LYPLAL1: variants seen among roughly 807,000 people sequenced by gnomAD.
LYPLAL1 encodes lysophospholipase like 1.
A neutral mutation model predicts 19.7 loss-of-function variants in LYPLAL1; 23 were observed. The observed-to-expected ratio is 1.17, with a 90% CI of 0.84 to 1.65. The LOEUF is 1.65. Among genes scored for constraint, LYPLAL1 ranks in the 40% most tolerant of loss-of-function variants. The pLI, the probability that LYPLAL1 is intolerant of heterozygous loss-of-function variation, is 0.00. For missense variants in LYPLAL1, 355 were observed against 279.4 expected (o/e 1.27, Z -1.93); for synonymous variants, 119 against 96.3 (o/e 1.24, Z -1.38).
At chr1:219,281,885 A>C in the LYPLAL1 span, among the ~76,000 whole-genome samples, 1 of 152,218 alleles carries the variant, frequency 6.6e-6, no homozygotes, top group East Asian at 1.9e-4. Flanking sequence ...TCATCCCCAC[A>C]GACCCTGCAG....
At chr1:219,358,016 G>A in the LYPLAL1 span, among the ~76,000 whole-genome samples, 2 of 152,168 alleles carry the variant, frequency 1.3e-5, no homozygotes, top group Non-Finnish European at 2.9e-5. Context: ...GTCAGTGTTT[G>A]CCGTCCACAC....
chr1:219,356,396 A>C, the LYPLAL1 span, among the ~76,000 whole-genome samples: 1 of 152,146 alleles, frequency 6.6e-6, no homozygotes, highest in Non-Finnish European at 1.5e-5. Flanking sequence ...GCTACTTGGG[A>C]GGCTGAGGCA....
chr1:219,421,422 A>G, the LYPLAL1 span, among the ~76,000 whole-genome samples: 6 of 152,324 alleles, frequency 3.9e-5, no homozygotes, highest in African/African-American at 1.2e-4. Context: ...TTCATAGCCA[A>G]TTCTACCATT....
chr1:219,313,384 G>A, the LYPLAL1 span, among the ~76,000 whole-genome samples: 3 of 152,092 alleles, frequency 2.0e-5, no homozygotes, highest in East Asian at 5.8e-4. Flanking sequence ...CCTCATGTTG[G>A]TGACTTTGCA....
intron 2 of LYPLAL1, among the ~76,000 whole-genome samples, chr1:219,189,499 A>G (rs552902769): frequency 1.6e-4 from 25 of 151,682 alleles, no homozygotes; most frequent in Middle Eastern, 3.4e-3. Context: ...TAGTTTTGAG[A>G]AGGGATTCTG....
chr1:219,217,379 G>GGTGTGTGTGTGTGTGTGTGTGTGT (rs371579948), downstream of LYPLAL1, among the ~76,000 whole-genome samples: 260 of 134,106 alleles, frequency 1.9e-3, 1 homozygote, highest in East Asian at 4.5e-3. Flanking sequence ...TGCCAGGTTT[G>GGTGTGTGTGTGTGTGTGTGTGTGT]GTGTGTGTGT....
the LYPLAL1 span, among the ~76,000 whole-genome samples, chr1:219,252,980 A>C: frequency 3.3e-5 from 5 of 151,936 alleles, no homozygotes; most frequent in Non-Finnish European, 7.4e-5. Flanking sequence ...TGGTCTTTTC[A>C]GGGCATAAAT....
At chr1:219,270,828 A>G in the LYPLAL1 span, 1 of 152,148 alleles carries the variant, frequency 6.6e-6, no homozygotes, top group East Asian at 1.9e-4. Context: ...TTGCCTTACT[A>G]TCTGCCTAAA....
intron 3 of LYPLAL1, among the ~76,000 whole-genome samples, chr1:219,206,881 A>G (rs981826180): frequency 2.6e-5 from 4 of 151,958 alleles, no homozygotes; most frequent in Non-Finnish European, 5.9e-5. Flanking sequence ...GTTTTTGCCT[A>G]CTAATCTTTT....
the LYPLAL1 span, among the ~76,000 whole-genome samples, chr1:219,370,016 G>T: frequency 6.6e-6 from 1 of 152,318 alleles, no homozygotes; most frequent in East Asian, 1.9e-4. Context: ...ATAAGCAATG[G>T]CCAGCTGTGA....
At chr1:219,282,018 A>G in the LYPLAL1 span, among the ~76,000 whole-genome samples, 3 of 152,174 alleles carry the variant, frequency 2.0e-5, no homozygotes, top group African/African-American at 7.2e-5. Context: ...AATGTGCAAC[A>G]TGAGCATGGA....
At chr1:219,300,511 A>G in the LYPLAL1 span, among the ~76,000 whole-genome samples, 1 of 147,278 alleles carries the variant, frequency 6.8e-6, no homozygotes, top group African/African-American at 2.5e-5. Context: ...TTGTGAACCT[A>G]TGAGATTCTT....
At chr1:219,347,332 C>T in the LYPLAL1 span, among the ~76,000 whole-genome samples, 8 of 152,098 alleles carry the variant, frequency 5.3e-5, no homozygotes, top group African/African-American at 1.9e-4. Context: ...TTCTCCCTTG[C>T]TCCATATGCT....
chr1:219,199,079 G>C (rs1037837673), intron 3 of LYPLAL1, among the ~76,000 whole-genome samples: 6 of 152,032 alleles, frequency 3.9e-5, no homozygotes, highest in African/African-American at 1.4e-4. Flanking sequence ...AGTAGTATGC[G>C]TACTCCAAAG....
the LYPLAL1 span, among the ~76,000 whole-genome samples, chr1:219,259,418 T>C: frequency 6.9e-6 from 1 of 144,694 alleles, no homozygotes; most frequent in African/African-American, 2.7e-5. Flanking sequence ...CATATATATA[T>C]ATATATATAT....
At chr1:219,327,353 C>G in the LYPLAL1 span, among the ~76,000 whole-genome samples, 2 of 152,078 alleles carry the variant, frequency 1.3e-5, no homozygotes, top group Non-Finnish European at 2.9e-5. Flanking sequence ...GTCTGCAAGG[C>G]TGAGAGTGAG....
chr1:219,255,949 T>C, the LYPLAL1 span, among the ~76,000 whole-genome samples: 2 of 151,936 alleles, frequency 1.3e-5, no homozygotes, highest in African/African-American at 4.8e-5. Flanking sequence ...ATGATTTCTT[T>C]TATGCATTAC....
chr1:219,325,007 T>G, the LYPLAL1 span, among the ~76,000 whole-genome samples: 1 of 152,168 alleles, frequency 6.6e-6, no homozygotes, highest in Non-Finnish European at 1.5e-5. Context: ...CCAACCTTCT[T>G]AACCATCACT....
chr1:219,270,194 T>C, the LYPLAL1 span, among the ~76,000 whole-genome samples: 1 of 152,228 alleles, frequency 6.6e-6, no homozygotes, highest in Non-Finnish European at 1.5e-5. Flanking sequence ...TGTTGTTGTT[T>C]GGTGTCAATA....
Sources: gnomAD v4.1 joint callset for allele counts (sites outside exome capture counted in the v4.1 genomes callset) on GRCh38, gnomAD v4.1.1 for gene constraint, MANE v1.5 for transcripts, NCBI Gene and HGNC (gene_info 2026-07-23, HGNC 2026-07-21) for gene names.